Variants in FYN observed in about 807,000 individuals in gnomAD.
FYN encodes the protein FYN proto-oncogene, Src family tyrosine kinase, also known as tyrosine-protein kinase Fyn.
FYN carries 10 observed loss-of-function variants against 70.2 expected under a neutral mutation model. The ratio of observed to expected loss-of-function variants is 0.14; its 90% CI spans 0.09 to 0.24. The LOEUF (loss-of-function observed/expected upper bound fraction) is 0.24. Ranked by LOEUF, FYN falls within the 10% of genes least tolerant of loss-of-function variation. The pLI is 1.00. For missense variants in FYN, 319 were observed against 673.1 expected, an observed-to-expected ratio of 0.47 and a Z score of 5.82; for synonymous variants, 236 against 248.6, an observed-to-expected ratio of 0.95 and a Z score of 0.48.
At chr6:111,835,935 A>G (rs1773172224) in intron 2 of FYN, among the ~76,000 whole-genome samples, 1 of 152,216 alleles carries the variant, frequency 6.6e-6, no homozygotes, top group Non-Finnish European at 1.5e-5. Context: ...AAACAAGAAA[A>G]GTAAGGACAG....
intron 2 of FYN, among the ~76,000 whole-genome samples, chr6:111,812,257 G>C (rs982550069): frequency 6.6e-6 from 1 of 152,240 alleles, no homozygotes; most frequent in African/African-American, 2.4e-5. Context: ...GGGTGACAAG[G>C]CCTCTGGGAG....
rs185950050 is a variant in FYN at position 111,785,014 on chromosome 6, T to G, written c.-81-4379A>C. Among the ~76,000 whole-genome samples, 3 of 152,344 alleles carry G rather than the reference T, an allele frequency of 2.0e-5. No homozygotes were observed. In the East Asian group the frequency reaches 5.8e-4, roughly 29 times the overall value. ...GGATGTCTAAATGGACATTATCTCT[T>G]TGGTGTGTCCTAACTTCTTAGCCAC... On this transcript the variant is annotated intron_variant, in intron 2 of 13. Coordinates refer to ENST00000354650, the MANE Select transcript of FYN (RefSeq NM_002037.5).
At chr6:111,749,903 G>T (rs1802407241) in intron 3 of FYN, among the ~76,000 whole-genome samples, 1 of 151,868 alleles carries the variant, frequency 6.6e-6, no homozygotes, top group Admixed American at 6.6e-5. Flanking sequence ...GCTTATGATG[G>T]AGACCTCTAG....
intron 2 of FYN, among the ~76,000 whole-genome samples, chr6:111,817,678 C>T (rs958838832): frequency 1.3e-5 from 2 of 152,134 alleles, no homozygotes; most frequent in African/African-American, 4.8e-5. Context: ...CTCCATCTGT[C>T]GGCTCCTCAC....
At chr6:111,697,447 T>C (rs1484873986) in intron 9 of FYN, among the ~76,000 whole-genome samples, 2 of 152,230 alleles carry the variant, frequency 1.3e-5, no homozygotes, top group African/African-American at 4.8e-5. Context: ...TTATATTTAA[T>C]ATAACTGACT....
intron 2 of FYN, among the ~76,000 whole-genome samples, chr6:111,829,398 C>A (rs1190068386): frequency 6.6e-6 from 1 of 152,154 alleles, no homozygotes; most frequent in Non-Finnish European, 1.5e-5. Flanking sequence ...TGTAAAAGAA[C>A]CTGAAAAGTA....
intron 2 of FYN, among the ~76,000 whole-genome samples, chr6:111,797,705 TA>T (rs1230130796): frequency 5.4e-5 from 5 of 93,064 alleles, no homozygotes; most frequent in Non-Finnish European, 1.0e-4. Context: ...TATATATATA[TA>T]TATATACACA....
chr6:111,748,324 C>A (rs1802321966), intron 3 of FYN, among the ~76,000 whole-genome samples: 1 of 152,172 alleles, frequency 6.6e-6, no homozygotes, highest in African/African-American at 2.4e-5. Flanking sequence ...GAACTTTTGA[C>A]ATTAAGGAAA....
At chr6:111,716,009 T>C (rs1446365968) in intron 4 of FYN, among the ~76,000 whole-genome samples, 1 of 152,254 alleles carries the variant, frequency 6.6e-6, no homozygotes, top group Non-Finnish European at 1.5e-5. Flanking sequence ...TCTATTTTAG[T>C]ACATATAAGA....
chr6:111,731,356 G>A (rs187082510), intron 3 of FYN, among the ~76,000 whole-genome samples: 146 of 152,286 alleles, frequency 9.6e-4, no homozygotes, highest in Non-Finnish European at 5.7e-4. Context: ...CTGATAGCAC[G>A]GTGCTTGTGG....
At chr6:111,671,191 C>T (rs1798252856) in intron 13 of FYN, among the ~76,000 whole-genome samples, 1 of 152,140 alleles carries the variant, frequency 6.6e-6, no homozygotes, top group South Asian at 2.1e-4. Context: ...TTTTTTCCTT[C>T]GGCTTCCAGG....
At chr6:111,831,419 A>G (rs1170710489) in intron 2 of FYN, among the ~76,000 whole-genome samples, 1 of 152,210 alleles carries the variant, frequency 6.6e-6, no homozygotes, top group African/African-American at 2.4e-5. Flanking sequence ...AGCATATTTT[A>G]AAACCTTGCA....
intron 3 of FYN, among the ~76,000 whole-genome samples, chr6:111,727,008 A>G (rs1021149961): frequency 2.0e-5 from 3 of 152,180 alleles, no homozygotes; most frequent in African/African-American, 7.2e-5. Context: ...GCGGAACTGC[A>G]AGTCAATTAA....
chr6:111,738,612 C>G (rs1801809937), intron 3 of FYN, among the ~76,000 whole-genome samples: 1 of 152,226 alleles, frequency 6.6e-6, no homozygotes, highest in Non-Finnish European at 1.5e-5. Flanking sequence ...TTGGTCACCC[C>G]TAGCTGTCTG....
chr6:111,701,015 G>A (rs1262903331), intron 8 of FYN, among the ~76,000 whole-genome samples: 2 of 149,806 alleles, frequency 1.3e-5, no homozygotes, highest in Admixed American at 1.3e-4. Context: ...AACAGTCTTC[G>A]ACGTATAATT....
At chr6:111,719,179 A>C (rs1800816576) in intron 4 of FYN, among the ~76,000 whole-genome samples, 1 of 152,216 alleles carries the variant, frequency 6.6e-6, no homozygotes, top group African/African-American at 2.4e-5. Flanking sequence ...GATGCATGAC[A>C]TAACTTACAA....
intron 3 of FYN, among the ~76,000 whole-genome samples, chr6:111,732,680 T>C (rs1801520292): frequency 6.6e-6 from 1 of 152,194 alleles, no homozygotes; most frequent in Admixed American, 6.5e-5. Context: ...CAACTCCTTG[T>C]GACTGGGTAT....
chr6:111,810,145 C>T (rs1331802765), intron 2 of FYN, among the ~76,000 whole-genome samples: 2 of 152,014 alleles, frequency 1.3e-5, no homozygotes, highest in Non-Finnish European at 2.9e-5. Context: ...ACAGAGATGC[C>T]TATGATAAAT....
At chr6:111,823,831 T>A (rs562932107) in intron 2 of FYN, among the ~76,000 whole-genome samples, 1 of 152,282 alleles carries the variant, frequency 6.6e-6, no homozygotes, top group South Asian at 2.1e-4. Flanking sequence ...TCTCACAGAA[T>A]ATATATAAAC....
Sources: gnomAD v4.1 joint callset for allele counts (sites outside exome capture counted in the v4.1 genomes callset) on GRCh38, gnomAD v4.1.1 for gene constraint, MANE v1.5 for transcripts, NCBI Gene and HGNC (gene_info 2026-07-23, HGNC 2026-07-21) for gene names.